ADGRL3: variants seen among roughly 807,000 people sequenced by gnomAD.
ADGRL3 encodes calcium-independent alpha-latrotoxin receptor 3.
A neutral mutation model predicts 153.5 loss-of-function variants in ADGRL3; 62 were observed. That is an observed-to-expected ratio of 0.40 (90% CI 0.33 to 0.50). ADGRL3 has a LOEUF of 0.50. Among genes scored for constraint, ADGRL3 ranks in the 20% least tolerant of loss-of-function variants. The probability of loss-of-function intolerance (pLI) is 0.47; values close to 1 mark genes in which losing one functional copy is unlikely to be tolerated. For missense variants in ADGRL3, 1,641 were observed against 1,859.4 expected (o/e 0.88, Z 2.16); for synonymous variants, 710 against 672.5 (o/e 1.06, Z -0.86).
At chr4:61,846,800 C>T (rs1260775661) in intron 9 of ADGRL3, among the ~76,000 whole-genome samples, 1 of 151,688 alleles carries the variant, frequency 6.6e-6, no homozygotes, top group Non-Finnish European at 1.5e-5. Flanking sequence ...GGGGAGCAGG[C>T]ATGTCACATG....
intron 2 of ADGRL3, among the ~76,000 whole-genome samples, chr4:61,481,941 T>C (rs540377223): frequency 1.5e-3 from 230 of 152,190 alleles, no homozygotes; most frequent in Non-Finnish European, 2.4e-3. Flanking sequence ...AAAGCAAAAA[T>C]ACGTTTTTTT....
At chr4:61,406,160 T>C (rs2096992768) in intron 2 of ADGRL3, among the ~76,000 whole-genome samples, 1 of 151,854 alleles carries the variant, frequency 6.6e-6, no homozygotes, top group Non-Finnish European at 1.5e-5. Flanking sequence ...TGTGTGCTTC[T>C]TAAAGATAGA....
At chr4:61,539,041 A>T (rs569763583) in intron 4 of ADGRL3, among the ~76,000 whole-genome samples, 1 of 152,278 alleles carries the variant, frequency 6.6e-6, no homozygotes, top group Admixed American at 6.5e-5. Flanking sequence ...ATTGCAGACC[A>T]TGGTGGCTAC....
chr4:61,998,370 G>A, intron 21 of ADGRL3, 105 bp downstream of exon 21: 1 of 517,364 alleles, frequency 1.9e-6, no homozygotes, highest in Non-Finnish European at 3.3e-6. Flanking sequence ...AAAGAATATG[G>A]GTGTATTGTC....
At chr4:61,718,136 G>T (rs942756607) in intron 6 of ADGRL3, among the ~76,000 whole-genome samples, 5 of 152,038 alleles carry the variant, frequency 3.3e-5, no homozygotes, top group South Asian at 4.1e-4. Context: ...TTTTGGTGGG[G>T]TTTTTTGTAA....
chr4:61,913,450 A>G (rs1271616803), intron 13 of ADGRL3, among the ~76,000 whole-genome samples: 2 of 152,180 alleles, frequency 1.3e-5, no homozygotes, highest in African/African-American at 4.8e-5. Context: ...AGGAGGAAAT[A>G]TGAAAATGTT....
At chr4:61,917,584 C>T (rs538432751) in intron 13 of ADGRL3, among the ~76,000 whole-genome samples, 1 of 152,286 alleles carries the variant, frequency 6.6e-6, no homozygotes, top group East Asian at 1.9e-4. Context: ...TATGAGGATT[C>T]CAGTTGCTCC....
chr4:61,333,298 AG>A, intron 1 of ADGRL3, among the ~76,000 whole-genome samples: 1 of 152,224 alleles, frequency 6.6e-6, no homozygotes, highest in East Asian at 1.9e-4. Context: ...ATAATGATTC[AG>A]GGGACATTAT....
intron 9 of ADGRL3, among the ~76,000 whole-genome samples, chr4:61,833,950 G>A (rs1483481264): frequency 6.7e-6 from 1 of 149,922 alleles, no homozygotes; most frequent in East Asian, 2.0e-4. Context: ...ATTTTGCAAA[G>A]GCAGCTTCTT....
chr4:62,030,244 T>A (rs1721245874), intron 22 of ADGRL3, among the ~76,000 whole-genome samples: 1 of 151,682 alleles, frequency 6.6e-6, no homozygotes, highest in African/African-American at 2.4e-5. Flanking sequence ...CAGATTATGA[T>A]AAACATATAT....
intron 17 of ADGRL3, among the ~76,000 whole-genome samples, chr4:61,959,125 A>G (rs1465852564): frequency 1.3e-5 from 2 of 152,214 alleles, no homozygotes; most frequent in Admixed American, 6.5e-5. Flanking sequence ...GAAGAATGTT[A>G]AAAAACTAAA....
At chr4:61,539,115 T>C (rs1373734666) in intron 4 of ADGRL3, among the ~76,000 whole-genome samples, 2 of 152,162 alleles carry the variant, frequency 1.3e-5, no homozygotes, top group Non-Finnish European at 2.9e-5. Context: ...CTGTGACTAT[T>C]TTGCCCTGTG....
chr4:61,977,792 T>A (rs1162584810), intron 17 of ADGRL3, among the ~76,000 whole-genome samples: 2 of 152,176 alleles, frequency 1.3e-5, no homozygotes, highest in African/African-American at 4.8e-5. Flanking sequence ...AAAATCAATT[T>A]TTTTTCAATA....
chr4:61,435,342 A>G (rs1056251177), intron 2 of ADGRL3, among the ~76,000 whole-genome samples: 1 of 152,106 alleles, frequency 6.6e-6, no homozygotes, highest in Non-Finnish European at 1.5e-5. Context: ...CTATAAATAA[A>G]TGATAAAATA....
At chr4:61,614,623 T>C (rs1370072023) in intron 5 of ADGRL3, among the ~76,000 whole-genome samples, 1 of 152,130 alleles carries the variant, frequency 6.6e-6, no homozygotes, top group Non-Finnish European at 1.5e-5. Flanking sequence ...AATCCAGGAT[T>C]TCAAGGAAGG....
chr4:61,333,867 T>G (rs759368539), intron 1 of ADGRL3, among the ~76,000 whole-genome samples: 1 of 150,942 alleles, frequency 6.6e-6, no homozygotes, highest in Non-Finnish European at 1.5e-5. Flanking sequence ...CTTTCTGTCT[T>G]GGCCTCCCAA....
intron 1 of ADGRL3, among the ~76,000 whole-genome samples, chr4:61,316,410 T>C (rs1406364386): frequency 5.9e-5 from 9 of 152,258 alleles, no homozygotes; most frequent in Non-Finnish European, 1.3e-4. Context: ...GCAAGAAATT[T>C]GGATTTTTTA....
In ADGRL3 at chr4:61,892,944, C is replaced by T. The variant is rs1345670041; in HGVS notation, c.1769C>T (p.Pro590Leu). The change falls in exon 10 of 27, where the codon CCT becomes CTT. Residue 590 changes from proline (P) to leucine (L), a missense_variant. Physicochemically the swap from Pro to Leu is moderately conservative, Grantham distance 98. Around this residue, in one of 5 missense-constraint regions of ADGRL3, gnomAD observed 734 missense variants for 797.0 expected, o/e 0.92. Coordinates refer to ENST00000683033, the MANE Select transcript of ADGRL3 (RefSeq NM_001387552.1). ...GGACAGATAGCAAAGCAGCCATGCC[C>T]TGCAGGAACTATAGGTAAGTCTGTG... ...RQGQIAKQPCPAGTIGVSTYL... is the reference protein window; with the variant it reads ...RQGQIAKQPCLAGTIGVSTYL... 2 of 1,526,840 alleles carry T rather than the reference C, an allele frequency of 1.3e-6. No homozygotes were observed. The highest frequency in any genetic ancestry group is 2.3e-5 in the Admixed American group (1 of 44,378). The allele number at this position is 1,526,840 out of a possible 1,614,324, so 94.6% of individuals were successfully genotyped here.
intron 1 of ADGRL3, among the ~76,000 whole-genome samples, chr4:61,205,514 T>G (rs1352593972): frequency 6.6e-6 from 1 of 152,220 alleles, no homozygotes; most frequent in Non-Finnish European, 1.5e-5. Context: ...ATTTGCTCAC[T>G]TTGGGAGGAA....
Sources: allele counts gnomAD v4.1 joint callset (sites outside exome capture counted in the v4.1 genomes callset), GRCh38; gene constraint gnomAD v4.1.1; regional missense constraint gnomAD v4.1.1; transcripts MANE v1.5; gene names NCBI Gene and HGNC (gene_info 2026-07-23, HGNC 2026-07-21).